The following TMEM244 variants were observed in gnomAD, a reference collection of about 807,000 sequenced individuals.
TMEM244 encodes the protein putative transmembrane protein 244.
TMEM244 carries 13 observed loss-of-function variants against 15.8 expected under a neutral mutation model. The ratio of observed to expected loss-of-function variants is 0.82; its 90% confidence interval spans 0.53 to 1.30. TMEM244 has a LOEUF of 1.30. TMEM244 is among the 50% of genes most tolerant of loss of function. The pLI is 0.00. For missense variants in TMEM244, 161 were observed against 144.9 expected, an observed-to-expected ratio of 1.11 and a Z score of -0.57; for synonymous variants, 45 against 48.7, an observed-to-expected ratio of 0.92 and a Z score of 0.32.
intron 3 of TMEM244, among the ~76,000 whole-genome samples, chr6:129,838,977 C>T (rs1166239616): frequency 6.6e-6 from 1 of 152,160 alleles, no homozygotes; most frequent in East Asian, 1.9e-4. Flanking sequence ...CAGATGGATT[C>T]ATAGCCAAAT....
chr6:129,837,888 T>C (rs1282868692), intron 3 of TMEM244, among the ~76,000 whole-genome samples: 2 of 152,204 alleles, frequency 1.3e-5, no homozygotes, highest in African/African-American at 4.8e-5. Context: ...TAAATATATA[T>C]GCACACAATA....
intron 1 of TMEM244, among the ~76,000 whole-genome samples, chr6:129,847,619 C>T (rs1005622554): frequency 6.6e-6 from 1 of 152,040 alleles, no homozygotes; most frequent in African/African-American, 2.4e-5. Context: ...TCAGGATCTT[C>T]CCCCATCCCT....
At chr6:129,839,036 T>C (rs527421430) in intron 3 of TMEM244, among the ~76,000 whole-genome samples, 15 of 152,234 alleles carry the variant, frequency 9.9e-5, no homozygotes, top group African/African-American at 3.4e-4. Context: ...CTGAAAGTAT[T>C]CCAATCAATA....
chr6:129,860,190 C>T (rs1020885998), intron 1 of TMEM244, among the ~76,000 whole-genome samples: 1 of 150,656 alleles, frequency 6.6e-6, no homozygotes, highest in South Asian at 2.1e-4. Context: ...AATATAGAGC[C>T]CCCATTCTTT....
chr6:129,834,339 A>T lies in TMEM244; in HGVS notation c.194-754T>A, dbSNP rs113077559. On this transcript the variant is annotated intron_variant, in intron 3 of 4. Coordinates refer to ENST00000368143, the MANE Select transcript of TMEM244 (RefSeq NM_001010876.2). Reference sequence around the variant, plus strand: ...TGTTTTCAAAAGAGAGATCCATCAGACTTTAAAGTGACAAATATATGTGAT... The same window carrying T: ...TGTTTTCAAAAGAGAGATCCATCAGTCTTTAAAGTGACAAATATATGTGAT... 7.4e-3 allele frequency among the ~76,000 whole-genome samples: 1,134 copies of T among 152,350 alleles called. 8 individuals are homozygous for T. The highest frequency in any genetic ancestry group is 0.022 in the South Asian group (106 of 4,832).
At chr6:129,842,270 T>C (rs1584185046) in intron 3 of TMEM244, among the ~76,000 whole-genome samples, 1 of 152,200 alleles carries the variant, frequency 6.6e-6, no homozygotes, top group East Asian at 1.9e-4. Context: ...CTTGACTCTT[T>C]ACTGGGACTA....
chr6:129,848,518 G>C (rs878614), intron 1 of TMEM244, among the ~76,000 whole-genome samples: 101,683 of 151,988 alleles, frequency 0.67, 34,734 homozygotes, highest in Non-Finnish European at 0.72. Flanking sequence ...GAAACTACGT[G>C]TTCCACTTGG....
At chr6:129,838,813 A>C (rs1189457349) in intron 3 of TMEM244, among the ~76,000 whole-genome samples, 1 of 152,238 alleles carries the variant, frequency 6.6e-6, no homozygotes, top group Non-Finnish European at 1.5e-5. Context: ...CTGTGCAAAT[A>C]AACTAGAAAA....
chr6:129,850,361 A>AG (rs1490997348), intron 1 of TMEM244, among the ~76,000 whole-genome samples: 1 of 152,128 alleles, frequency 6.6e-6, no homozygotes, highest in Non-Finnish European at 1.5e-5. Flanking sequence ...TAGACTAGAG[A>AG]GGGGCCATTA....
chr6:129,839,274 A>G (rs914503815), intron 3 of TMEM244, among the ~76,000 whole-genome samples: 6 of 152,236 alleles, frequency 3.9e-5, no homozygotes, highest in African/African-American at 9.6e-5. Context: ...CTGGTTCAAC[A>G]TATTCAAATC....
At chr6:129,837,117 A>C (rs1406283397) in intron 3 of TMEM244, among the ~76,000 whole-genome samples, 3 of 152,242 alleles carry the variant, frequency 2.0e-5, no homozygotes, top group Non-Finnish European at 4.4e-5. Flanking sequence ...GAAGACATAT[A>C]ATTGTCAGAT....
At chr6:129,850,095 T>C (rs1396952327) in intron 1 of TMEM244, among the ~76,000 whole-genome samples, 2 of 152,138 alleles carry the variant, frequency 1.3e-5, no homozygotes, top group Non-Finnish European at 2.9e-5. Context: ...AACAATAAAT[T>C]GTGGAGCTGA....
intron 1 of TMEM244, among the ~76,000 whole-genome samples, chr6:129,856,734 A>C (rs1358482418): frequency 6.6e-6 from 1 of 151,814 alleles, no homozygotes; most frequent in Non-Finnish European, 1.5e-5. Flanking sequence ...AGCTATTTTT[A>C]TTTTTTCATA....
intron 1 of TMEM244, among the ~76,000 whole-genome samples, chr6:129,854,420 C>T (rs1776676773): frequency 6.6e-6 from 1 of 152,086 alleles, no homozygotes. Context: ...TGACATTCTG[C>T]CCAAAACTGT....
intron 1 of TMEM244, among the ~76,000 whole-genome samples, chr6:129,848,736 A>G (rs1369131896): frequency 6.6e-6 from 1 of 152,196 alleles, no homozygotes; most frequent in African/African-American, 2.4e-5. Flanking sequence ...GAGCTTCTTC[A>G]GCACTATAAT....
At chr6:129,854,051 T>C (rs1776671709) in intron 1 of TMEM244, among the ~76,000 whole-genome samples, 1 of 152,166 alleles carries the variant, frequency 6.6e-6, no homozygotes, top group African/African-American at 2.4e-5. Context: ...CTAGATATCG[T>C]TTTATGGTTC....
intron 3 of TMEM244, among the ~76,000 whole-genome samples, chr6:129,840,731 G>GA (rs1776478250): frequency 6.6e-6 from 1 of 151,928 alleles, no homozygotes; most frequent in African/African-American, 2.4e-5. Context: ...AAATTTATAA[G>GA]AAAAAAGCAA....
In TMEM244 at chr6:129,841,013, T is replaced by C. The variant is rs537248055; in HGVS notation, c.193+2517A>G. ...AGTTCAACCATTGCGGAAGACTGTGTGGCGATCCCTCAAGGATCTAGAACT... is the reference window on the plus strand; with the variant it reads ...AGTTCAACCATTGCGGAAGACTGTGCGGCGATCCCTCAAGGATCTAGAACT... On this transcript the variant is annotated intron_variant, in intron 3 of 4. Coordinates refer to ENST00000368143, the MANE Select transcript of TMEM244 (RefSeq NM_001010876.2). 3.9e-5 allele frequency among the ~76,000 whole-genome samples: 6 copies of C among 152,334 alleles called. No individual in the cohort carries two copies. In the South Asian group the frequency reaches 1.2e-3, roughly 32 times the overall value.
At position 129,831,334 on chromosome 6, in the gene TMEM244, T is replaced by C. The variant is rs7758540; in HGVS notation, c.372A>G (p.Ser124=). 927,974 of 1,533,662 alleles carry C rather than the reference T, an allele frequency of 0.61. 293,744 individuals carry two copies. The highest frequency in any genetic ancestry group is 0.65 in the Non-Finnish European group (719,805 of 1,107,332). The change falls in exon 5 of 5, where the codon TCA becomes TCG. Residue 124 remains serine, a synonymous_variant. Transcript: ENST00000368143. ...TSHWWAALGI[S]KLLV ...ATTAGAGAATCTAAACAAGCAATTT[T>C]GATATACCTAAAGCAGCCCACCAAT...
Sources: gnomAD v4.1 joint callset for allele counts (sites outside exome capture counted in the v4.1 genomes callset) on GRCh38, gnomAD v4.1.1 for gene constraint, MANE v1.5 for transcripts, NCBI Gene and HGNC (gene_info 2026-07-23, HGNC 2026-07-21) for gene names.